The following AUTS2 variants were observed in gnomAD, a reference collection of about 807,000 sequenced individuals.
The protein encoded by AUTS2 is autism susceptibility gene 2 protein.
In AUTS2, 17 loss-of-function variants were observed where a neutral mutation model predicts 112.4. That is an observed-to-expected ratio of 0.15 (90% CI 0.10 to 0.23). The LOEUF is 0.23. AUTS2 is among the 10% of genes least tolerant of loss of function. The pLI is 1.00. For missense variants in AUTS2, 1,510 were observed against 1,701.6 expected, an observed-to-expected ratio of 0.89 and a Z score of 1.98; for synonymous variants, 751 against 702.7, an observed-to-expected ratio of 1.07 and a Z score of -1.09.
chr7:70,497,291 A>G (rs2116568294), intron 5 of AUTS2, among the ~76,000 whole-genome samples: 1 of 151,766 alleles, frequency 6.6e-6, no homozygotes, highest in East Asian at 1.9e-4. Flanking sequence ...ACACATGCAC[A>G]CGTCACATCA....
At chr7:69,940,783 G>A (rs921163309) in intron 2 of AUTS2, among the ~76,000 whole-genome samples, 6 of 152,134 alleles carry the variant, frequency 3.9e-5, no homozygotes, top group African/African-American at 1.4e-4. Flanking sequence ...CTGGACCAAG[G>A]TAGTAGAGGT....
chr7:70,616,475 C>T (rs1804373431), intron 5 of AUTS2, among the ~76,000 whole-genome samples: 1 of 152,206 alleles, frequency 6.6e-6, no homozygotes, highest in South Asian at 2.1e-4. Context: ...TGCCCGGTGA[C>T]ACCATGTGCC....
chr7:70,419,400 T>C (rs1234373311), intron 4 of AUTS2, among the ~76,000 whole-genome samples: 2 of 140,074 alleles, frequency 1.4e-5, no homozygotes, highest in African/African-American at 5.4e-5. Context: ...CTTCTTTCAC[T>C]GTAAAATTGG....
chr7:70,766,577 G>A lies in AUTS2; in HGVS notation c.1689+243G>A, dbSNP rs138096343. Among the ~76,000 whole-genome samples the A allele has an allele frequency of 1.6e-4, 24 of 152,298 alleles. No individual in the cohort carries two copies. The highest frequency in any genetic ancestry group is 2.6e-4 in the Non-Finnish European group (18 of 68,018). Reference sequence around the variant, plus strand: ...ACTGCGGGCGGAAATGATTCCATCTGCCCTCAAAACAGTCATGTCCAGTGT... The same window carrying A: ...ACTGCGGGCGGAAATGATTCCATCTACCCTCAAAACAGTCATGTCCAGTGT... On this transcript the variant is annotated intron_variant, in intron 9 of 18. Transcript: ENST00000342771. This position sits in a 1 kb window ranked among gnomAD's most constrained non-coding sequence, Gnocchi z 4.8.
chr7:69,803,402 C>T (rs1252509034), intron 1 of AUTS2, among the ~76,000 whole-genome samples: 1 of 152,094 alleles, frequency 6.6e-6, no homozygotes. Flanking sequence ...ACAAAACTCA[C>T]TGGGTTTGCT....
rs1033448080 is a variant in AUTS2 at position 69,952,336 on chromosome 7, A to G, written c.522+52838A>G. On this transcript the variant is annotated intron_variant, in intron 2 of 18. Coordinates refer to ENST00000342771, the MANE Select transcript of AUTS2 (RefSeq NM_015570.4). ...TTATTAAGATGTTAATGTGATTCCAAATGCAGATAGTTCATGGGCAGCAGC... is the reference window on the plus strand; with the variant it reads ...TTATTAAGATGTTAATGTGATTCCAGATGCAGATAGTTCATGGGCAGCAGC... 2.0e-5 allele frequency among the ~76,000 whole-genome samples: 3 copies of G among 152,148 alleles called. No individual in the cohort carries two copies. The South Asian group carries it at 6.2e-4, about 31-fold the overall frequency.
At chr7:69,947,616 G>A (rs1195211466) in intron 2 of AUTS2, among the ~76,000 whole-genome samples, 2 of 152,182 alleles carry the variant, frequency 1.3e-5, no homozygotes, top group Non-Finnish European at 2.9e-5. Context: ...CCACTAGGCA[G>A]ATTTTTTTAT....
intron 2 of AUTS2, among the ~76,000 whole-genome samples, chr7:70,115,957 A>T (rs1240957091): frequency 1.3e-5 from 2 of 152,208 alleles, no homozygotes; most frequent in African/African-American, 4.8e-5. Context: ...GGTGTGAAAA[A>T]AATGCAGAGC....
intron 5 of AUTS2, among the ~76,000 whole-genome samples, chr7:70,610,939 C>G (rs906469363): frequency 6.6e-6 from 1 of 152,144 alleles, no homozygotes; most frequent in African/African-American, 2.4e-5. Context: ...CATAAGTTCT[C>G]TTCACTCTGT....
At chr7:70,300,445 C>T (rs1196113652) in intron 4 of AUTS2, among the ~76,000 whole-genome samples, 1 of 152,122 alleles carries the variant, frequency 6.6e-6, no homozygotes, top group Middle Eastern at 3.2e-3. Flanking sequence ...GACACATGGA[C>T]TTAGTGTGCC....
chr7:70,294,713 A>G (rs1788854252), intron 4 of AUTS2, among the ~76,000 whole-genome samples: 1 of 152,150 alleles, frequency 6.6e-6, no homozygotes, highest in South Asian at 2.1e-4. Context: ...GAGGACTTTG[A>G]TATCCAGTGG....
chr7:69,915,354 C>T (rs1795534624), intron 2 of AUTS2, among the ~76,000 whole-genome samples: 1 of 152,142 alleles, frequency 6.6e-6, no homozygotes, highest in African/African-American at 2.4e-5. Flanking sequence ...GTTTTCTTGG[C>T]TGCTTATTTT....
chr7:70,035,430 G>T (rs988804761), intron 2 of AUTS2, among the ~76,000 whole-genome samples: 1 of 152,222 alleles, frequency 6.6e-6, no homozygotes, highest in Non-Finnish European at 1.5e-5. Flanking sequence ...GGTCAGTGAT[G>T]CCTGAAAGAG....
At chr7:69,792,829 T>G (rs917197020) in intron 1 of AUTS2, among the ~76,000 whole-genome samples, 4 of 152,050 alleles carry the variant, frequency 2.6e-5, no homozygotes, top group Non-Finnish European at 5.9e-5. Context: ...TTTCGGTTCA[T>G]TAGGTAGGGG....
Position 69,624,127 on chromosome 7 carries a change from A to G in AUTS2, c.309+24165A>G, listed in dbSNP as rs555340735. Among the ~76,000 whole-genome samples, 350 of 152,312 alleles carry G rather than the reference A, an allele frequency of 2.3e-3. 1 individual carries two copies. Among genetic ancestry groups the G allele is most frequent in the Middle Eastern group, 0.01 (3 of 294 alleles). On this transcript the variant is annotated intron_variant, in intron 1 of 18. Transcript: ENST00000342771. ...ACAGTGACTGTCTATTAATGCTCAC[A>G]GCTGATATTAAGATTACGTTCTAAG...
At chr7:69,798,977 C>T (rs1018357008) in intron 1 of AUTS2, among the ~76,000 whole-genome samples, 17 of 150,050 alleles carry the variant, frequency 1.1e-4, no homozygotes, top group African/African-American at 3.4e-4. Context: ...GGCAACAGAG[C>T]GAAACCTAGT....
intron 5 of AUTS2, among the ~76,000 whole-genome samples, chr7:70,656,625 G>A (rs1806782832): frequency 6.6e-6 from 1 of 152,168 alleles, no homozygotes; most frequent in Non-Finnish European, 1.5e-5. Flanking sequence ...AAGAGCTGAG[G>A]TGACTTGGCC....
At chr7:70,190,459 A>G (rs545834502) in intron 4 of AUTS2, among the ~76,000 whole-genome samples, 8 of 152,336 alleles carry the variant, frequency 5.3e-5, no homozygotes, top group Admixed American at 1.3e-4. Flanking sequence ...TTACTCAGCT[A>G]TCATTTCACA....
intron 1 of AUTS2, among the ~76,000 whole-genome samples, chr7:69,710,953 TAC>T (rs1798296625): frequency 6.6e-6 from 1 of 152,192 alleles, no homozygotes; most frequent in Non-Finnish European, 1.5e-5. Context: ...CAATGGCAGA[TAC>T]AGTTCTCAGT....
Sources: gnomAD v4.1 joint callset for allele counts (sites outside exome capture counted in the v4.1 genomes callset) on GRCh38, gnomAD v4.1.1 for gene constraint, Gnocchi (gnomAD v3.1) non-coding constraint, MANE v1.5 for transcripts, NCBI Gene and HGNC (gene_info 2026-07-23, HGNC 2026-07-21) for gene names.